The following POU2F1 variants were observed in gnomAD, a reference collection of about 807,000 sequenced individuals.
The protein encoded by POU2F1 is POU class 2 homeobox 1, also known as POU domain, class 2, transcription factor 1.
Under a neutral mutation model 84.9 loss-of-function variants are expected in POU2F1, and 16 were observed. That is an observed-to-expected ratio of 0.19 (90% CI 0.13 to 0.29). The LOEUF is 0.29. Ranked by LOEUF, POU2F1 falls within the 10% of genes least tolerant of loss-of-function variation. The probability of loss-of-function intolerance (pLI) is 1.00; values close to 1 mark genes in which losing one functional copy is unlikely to be tolerated. For synonymous variants in POU2F1, 368 were observed against 368.3 expected (o/e 1.00, Z 0.01); for missense variants, 738 against 942.6 (o/e 0.78, Z 2.84).
intron 1 of POU2F1, among the ~76,000 whole-genome samples, chr1:167,307,046 T>C (rs1655119756): frequency 6.6e-6 from 1 of 152,222 alleles, no homozygotes; most frequent in Non-Finnish European, 1.5e-5. Flanking sequence ...ACAATATATT[T>C]ATAATACCAC....
At chr1:167,364,370 A>G (rs1659533139) in intron 2 of POU2F1, among the ~76,000 whole-genome samples, 1 of 150,394 alleles carries the variant, frequency 6.6e-6, no homozygotes, top group African/African-American at 2.4e-5. Context: ...CTCTACTAAA[A>G]ATACAAAAAA....
At chr1:167,266,516 TATCAGA>T (rs1262235627) in intron 1 of POU2F1, among the ~76,000 whole-genome samples, 3 of 152,110 alleles carry the variant, frequency 2.0e-5, no homozygotes, top group Non-Finnish European at 4.4e-5. Flanking sequence ...ACAAAATCAG[TATCAGA>T]ATGTCAAATA....
chr1:167,274,149 A>G (rs1571209511), intron 1 of POU2F1, among the ~76,000 whole-genome samples: 2 of 152,334 alleles, frequency 1.3e-5, no homozygotes, highest in African/African-American at 2.4e-5. Context: ...CTTTGCTCAC[A>G]TTAAGAAGGT....
chr1:167,363,238 A>G (rs1301857112), intron 2 of POU2F1, among the ~76,000 whole-genome samples: 2 of 152,112 alleles, frequency 1.3e-5, no homozygotes, highest in Non-Finnish European at 1.5e-5. Context: ...AGAGTGGAAT[A>G]TTTGGTTCTG....
At chr1:167,243,074 C>T (rs760655689) in intron 1 of POU2F1, among the ~76,000 whole-genome samples, 9 of 152,098 alleles carry the variant, frequency 5.9e-5, no homozygotes, top group South Asian at 2.1e-4. Context: ...TCTTCAGTGC[C>T]GCTACTTAAC....
intron 3 of POU2F1, among the ~76,000 whole-genome samples, chr1:167,368,599 T>C (rs34996107): frequency 0.024 from 3,724 of 152,288 alleles, 74 homozygotes; most frequent in Non-Finnish European, 0.039. Context: ...CTGAAGTTCT[T>C]TCCTTGGGCT....
intron 9 of POU2F1, among the ~76,000 whole-genome samples, chr1:167,393,160 A>G (rs112551591): frequency 3.3e-5 from 5 of 152,318 alleles, no homozygotes; most frequent in East Asian, 1.9e-4. Context: ...AAGGGATATA[A>G]TATAGTTAAG....
chr1:167,236,404 A>G (rs2102355811), intron 1 of POU2F1, among the ~76,000 whole-genome samples: 1 of 152,198 alleles, frequency 6.6e-6, no homozygotes, highest in East Asian at 1.9e-4. Flanking sequence ...CCCGGCCGAC[A>G]TCTTCTTATT....
chr1:167,323,900 C>T (rs1557894834), intron 1 of POU2F1, among the ~76,000 whole-genome samples: 1 of 152,066 alleles, frequency 6.6e-6, no homozygotes, highest in Non-Finnish European at 1.5e-5. Flanking sequence ...ACCATGTTGG[C>T]CAGGCTAATC....
chr1:167,378,269 CTT>C (rs1660460805), intron 7 of POU2F1, among the ~76,000 whole-genome samples: 18 of 152,192 alleles, frequency 1.2e-4, no homozygotes, highest in Admixed American at 1.2e-3. Context: ...GAGTTTCACT[CTT>C]GTTGCCCAGG....
At chr1:167,349,068 A>G (rs542556442) in intron 2 of POU2F1, among the ~76,000 whole-genome samples, 1 of 152,254 alleles carries the variant, frequency 6.6e-6, no homozygotes, top group South Asian at 2.1e-4. Flanking sequence ...AGGACCTAAC[A>G]GGGTATTTAA....
At chr1:167,296,657 C>T (rs989289583) in intron 1 of POU2F1, among the ~76,000 whole-genome samples, 1 of 152,022 alleles carries the variant, frequency 6.6e-6, no homozygotes, top group Non-Finnish European at 1.5e-5. Context: ...AACTCGGTGT[C>T]CATTAAAAAG....
Position 167,382,327 on chromosome 1 carries a change from A to C in POU2F1, c.719-1530A>C, listed in dbSNP as rs932440428. ...GGGAACTGGTGAGGAAGGATGAGGG[A>C]GAGGTTACCACACCTAGAATCTGAA... is the stretch of plus-strand genomic sequence containing the variant. On this transcript the variant is annotated intron_variant, in intron 7 of 15. Transcript: ENST00000367866. Among the ~76,000 whole-genome samples the C allele has an allele frequency of 5.9e-5, 9 of 152,314 alleles. No homozygotes were observed. In the South Asian group the frequency reaches 6.2e-4, roughly 11 times the overall value.
intron 1 of POU2F1, among the ~76,000 whole-genome samples, chr1:167,318,020 G>A (rs1056548634): frequency 1.6e-4 from 25 of 152,122 alleles, no homozygotes; most frequent in African/African-American, 3.4e-4. Context: ...CCATTTTAAT[G>A]GGTTAATAGC....
At chr1:167,288,019 C>G (rs572308197) in intron 1 of POU2F1, among the ~76,000 whole-genome samples, 1 of 152,132 alleles carries the variant, frequency 6.6e-6, no homozygotes, top group Non-Finnish European at 1.5e-5. Context: ...TAAATTTTTA[C>G]CCAGGTGAAC....
intron 2 of POU2F1, among the ~76,000 whole-genome samples, chr1:167,345,989 G>A (rs1359381034): frequency 1.5e-5 from 2 of 132,860 alleles, no homozygotes; most frequent in African/African-American, 5.9e-5. Context: ...AGTGAGACCC[G>A]CATGTCTACA....
At chr1:167,330,651 T>A (rs1056223133) in intron 1 of POU2F1, among the ~76,000 whole-genome samples, 1 of 152,118 alleles carries the variant, frequency 6.6e-6, no homozygotes. Flanking sequence ...TGTGTGTATG[T>A]GAGATAATTT....
chr1:167,317,562 T>TC (rs1349877396), intron 1 of POU2F1, among the ~76,000 whole-genome samples: 1 of 152,212 alleles, frequency 6.6e-6, no homozygotes, highest in Non-Finnish European at 1.5e-5. Flanking sequence ...AGATTATAGA[T>TC]TAACTAAAAC....
intron 3 of POU2F1, 38 bp downstream of exon 3, chr1:167,365,605 G>T: frequency 6.8e-7 from 1 of 1,477,922 alleles, no homozygotes; most frequent in Non-Finnish European, 9.2e-7. Context: ...GAGAGTGAAA[G>T]ATAGAGGCGT....
Sources: gnomAD v4.1 joint callset for allele counts (sites outside exome capture counted in the v4.1 genomes callset) on GRCh38, gnomAD v4.1.1 for gene constraint, MANE v1.5 for transcripts, NCBI Gene and HGNC (gene_info 2026-07-23, HGNC 2026-07-21) for gene names.